ZNF195: variants seen among roughly 807,000 people sequenced by gnomAD.
The protein encoded by ZNF195 is zinc finger protein 195, also known as hypoxia-regulated factor-1.
Under a neutral mutation model 19.5 loss-of-function variants are expected in ZNF195, and 11 were observed. The ratio of observed to expected loss-of-function variants is 0.57; its 90% confidence interval spans 0.36 to 0.94. The LOEUF (loss-of-function observed/expected upper bound fraction) is 0.94, where lower values mean the gene tolerates loss of function less well. ZNF195 is among the 40% of genes least tolerant of loss of function. ZNF195 has a pLI of 0.01. For synonymous variants in ZNF195, 214 were observed against 248.1 expected (o/e 0.86, Z 1.29); for missense variants, 582 against 709.0 (o/e 0.82, Z 2.03).
At chr11:3,362,020 C>T in intron 3 of ZNF195, 131 bp from the exon 4 acceptor site, 1 of 449,386 alleles carries the variant, frequency 2.2e-6, no homozygotes, top group Non-Finnish European at 4.5e-6. Context: ...GATCACACCA[C>T]TGCACTTCCA....
At chr11:3,361,516 T>C (rs1848631632) in intron 4 of ZNF195, among the ~76,000 whole-genome samples, 1 of 150,996 alleles carries the variant, frequency 6.6e-6, no homozygotes, top group Admixed American at 6.6e-5. Flanking sequence ...TAAAAAGACA[T>C]GAAGTATGAA....
At chr11:3,374,356 G>A (rs975112636) in intron 1 of ZNF195, among the ~76,000 whole-genome samples, 2 of 152,154 alleles carry the variant, frequency 1.3e-5, no homozygotes, top group Admixed American at 6.5e-5. Flanking sequence ...AGCAGCCCCA[G>A]CACAGTCCCT....
chr11:3,368,842 T>C, intron 3 of ZNF195: 1 of 455,908 alleles, frequency 2.2e-6, no homozygotes, highest in Non-Finnish European at 4.4e-6. Context: ...GTATAGTCTC[T>C]TCAACACTTG....
intron 3 of ZNF195, chr11:3,362,214 CAT>C (rs1848669034): frequency 4.4e-6 from 1 of 227,428 alleles, no homozygotes; most frequent in Non-Finnish European, 9.2e-6. Flanking sequence ...TACCACTACA[CAT>C]GTCAAACAAG....
chr11:3,360,787 T>G lies in ZNF195; in HGVS notation c.375A>C (p.Ala125=). Residue 125 remains alanine, a splice_region_variant and synonymous_variant, in exon 5 of 6, where the codon GCA becomes GCC. Transcript: ENST00000399602. ...TTTGCAGCACCCCAGGTGAGCACAGTGCTAGGAGCCAGATAAGAAGAAAAA... is the reference window on the plus strand; with the variant it reads ...TTTGCAGCACCCCAGGTGAGCACAGGGCTAGGAGCCAGATAAGAAGAAAAA... ...GLNVSVDKFT[A]LCSPGVLQTV... 1 of 1,550,826 alleles carries G rather than the reference T, an allele frequency of 6.4e-7. No homozygotes were observed. Among genetic ancestry groups the G allele is most frequent in the Non-Finnish European group, 8.7e-7 (1 of 1,146,730 alleles).
intron 1 of ZNF195, among the ~76,000 whole-genome samples, chr11:3,377,086 G>A (rs1033835400): frequency 7.2e-5 from 11 of 152,154 alleles, no homozygotes; most frequent in Admixed American, 7.2e-4. Context: ...AGGTATGTAT[G>A]ACTAGATATT....
intron 3 of ZNF195, among the ~76,000 whole-genome samples, chr11:3,368,639 A>G (rs1272668838): frequency 6.6e-6 from 1 of 152,256 alleles, no homozygotes; most frequent in Non-Finnish European, 1.5e-5. Flanking sequence ...AAAAAGAACA[A>G]GGCAAGAGGC....
chr11:3,373,984 T>C (rs1367833404), intron 1 of ZNF195, among the ~76,000 whole-genome samples: 1 of 152,178 alleles, frequency 6.6e-6, no homozygotes, highest in Non-Finnish European at 1.5e-5. Flanking sequence ...CTCGTACAAA[T>C]GCATCTGAAA....
rs1470345556 is a variant in ZNF195 at position 3,379,048 on chromosome 11, C to T, written c.-8G>A. On this transcript the variant is annotated 5_prime_UTR_variant, in exon 1 of 6. Transcript: ENST00000399602. ...GGCCCCTACACTCACCATCTCCTGG[C>T]CTCCAGAGAGCCTGGCGTTTCACTT... 6.7e-7 allele frequency: 1 copy of T among 1,496,140 alleles called. No homozygotes were observed. Among genetic ancestry groups the T allele is most frequent in the African/African-American group, 1.4e-5 (1 of 70,978 alleles). 92.7% of individuals were successfully genotyped at this position (1,496,140 alleles called of 1,614,324 possible).
At chr11:3,369,563 AG>A (rs1458585588) in intron 3 of ZNF195, 10 of 436,842 alleles carry the variant, frequency 2.3e-5, no homozygotes, top group African/African-American at 1.8e-4. Context: ...GCCATAAAAA[AG>A]GAATGAAATC....
At chr11:3,378,266 C>CGCCACTGCACTCCA in intron 1 of ZNF195, among the ~76,000 whole-genome samples, 2 of 152,058 alleles carry the variant, frequency 1.3e-5, no homozygotes, top group South Asian at 4.2e-4. Context: ...GCCGAGATCG[C>CGCCACTGCACTCCA]GCCACTGCAC....
At chr11:3,364,141 A>G (rs1033421263) in intron 3 of ZNF195, among the ~76,000 whole-genome samples, 7 of 152,220 alleles carry the variant, frequency 4.6e-5, no homozygotes, top group African/African-American at 1.7e-4. Context: ...GAGGGTGTTC[A>G]CCACCACTAG....
chr11:3,373,163 A>G (rs1378891969), intron 1 of ZNF195, among the ~76,000 whole-genome samples: 3 of 152,166 alleles, frequency 2.0e-5, no homozygotes, highest in African/African-American at 7.2e-5. Flanking sequence ...TTAAATGTTT[A>G]TTTTCTTAGT....
intron 1 of ZNF195, among the ~76,000 whole-genome samples, chr11:3,378,175 T>TCC (rs1178381766): frequency 6.6e-6 from 1 of 151,956 alleles, no homozygotes; most frequent in Admixed American, 6.5e-5. Context: ...CCGGGCGTGG[T>TCC]GGTGCAGGAC....
At chr11:3,365,025 G>GT (rs1177654948) in intron 3 of ZNF195, among the ~76,000 whole-genome samples, 1 of 152,164 alleles carries the variant, frequency 6.6e-6, no homozygotes, top group Non-Finnish European at 1.5e-5. Flanking sequence ...ACAATACACT[G>GT]TAAGTCAGAA....
At chr11:3,364,642 A>T (rs1328809489) in intron 3 of ZNF195, among the ~76,000 whole-genome samples, 1 of 152,172 alleles carries the variant, frequency 6.6e-6, no homozygotes, top group Non-Finnish European at 1.5e-5. Context: ...TTTCAAGGTG[A>T]TCCAAAAGAA....
chr11:3,369,469 C>T (rs1284067292), intron 3 of ZNF195: 1 of 451,538 alleles, frequency 2.2e-6, no homozygotes, highest in African/African-American at 2.0e-5. Context: ...TCACAATTGT[C>T]AAGATATAAA....
At chr11:3,378,509 T>A (rs948381135) in intron 1 of ZNF195, among the ~76,000 whole-genome samples, 1 of 152,126 alleles carries the variant, frequency 6.6e-6, no homozygotes, top group Non-Finnish European at 1.5e-5. Context: ...CCTAGATAGC[T>A]GAAATCAGGA....
intron 3 of ZNF195, among the ~76,000 whole-genome samples, chr11:3,367,933 C>A (rs956384855): frequency 6.6e-6 from 1 of 151,820 alleles, no homozygotes; most frequent in African/African-American, 2.4e-5. Context: ...ATTAGCCAGG[C>A]GTGGTGGTGC....
Sources: gnomAD v4.1 joint callset for allele counts (sites outside exome capture counted in the v4.1 genomes callset) on GRCh38, gnomAD v4.1.1 for gene constraint, MANE v1.5 for transcripts, NCBI Gene and HGNC (gene_info 2026-07-23, HGNC 2026-07-21) for gene names.